Variants in AP3S2 observed in about 807,000 individuals in gnomAD.
AP3S2 encodes the protein AP-3 complex subunit sigma-2.
A neutral mutation model predicts 23.4 loss-of-function variants in AP3S2; 22 were observed. The observed-to-expected ratio is 0.94, with a 90% CI of 0.67 to 1.34. The LOEUF (loss-of-function observed/expected upper bound fraction) is 1.34, where lower values mean the gene tolerates loss of function less well. AP3S2 is among the 40% of genes most tolerant of loss of function. The probability of loss-of-function intolerance (pLI) is 0.00; values close to 1 mark genes in which losing one functional copy is unlikely to be tolerated. For synonymous variants in AP3S2, 86 were observed against 87.1 expected, an observed-to-expected ratio of 0.99 and a Z score of 0.07; for missense variants, 241 against 236.9, an observed-to-expected ratio of 1.02 and a Z score of -0.11.
At chr15:89,851,122 A>G (rs1895642001) in intron 4 of AP3S2, among the ~76,000 whole-genome samples, 1 of 152,196 alleles carries the variant, frequency 6.6e-6, no homozygotes, top group African/African-American at 2.4e-5. Context: ...GTCCTTAAAG[A>G]GCTTAGAATC....
At chr15:89,877,134 G>A (rs1396834414) in intron 3 of AP3S2, 4 of 382,802 alleles carry the variant, frequency 1.0e-5, no homozygotes, top group African/African-American at 8.5e-5. Context: ...GCTAGATGTA[G>A]CTCACTTGAT....
intron 3 of AP3S2, among the ~76,000 whole-genome samples, chr15:89,877,919 T>C (rs1384672654): frequency 6.6e-6 from 1 of 152,166 alleles, no homozygotes; most frequent in South Asian, 2.1e-4. Flanking sequence ...GATATAGGTG[T>C]TGTAATCATG....
intron 3 of AP3S2, among the ~76,000 whole-genome samples, chr15:89,873,269 G>A (rs1277283521): frequency 6.6e-6 from 1 of 150,742 alleles, no homozygotes; most frequent in African/African-American, 2.4e-5. Context: ...TTCAAGTATT[G>A]GACCTCTGTC....
At chr15:89,837,796 C>T (rs554833688) in intron 4 of AP3S2, 74 bp from the exon 5 acceptor site, 57 of 1,574,394 alleles carry the variant, frequency 3.6e-5, no homozygotes, top group Non-Finnish European at 4.9e-5. Flanking sequence ...GTTTCCTTTT[C>T]CTGCAGCAGC....
intron 4 of AP3S2, among the ~76,000 whole-genome samples, chr15:89,859,337 TTTCC>T (rs1482412491): frequency 1.3e-5 from 2 of 148,454 alleles, no homozygotes; most frequent in Non-Finnish European, 3.0e-5. Context: ...TTTTCCTTCC[TTTCC>T]TTCCTTCCTT....
intron 4 of AP3S2, chr15:89,865,400 G>T (rs1393998727): frequency 6.6e-6 from 1 of 152,154 alleles, no homozygotes; most frequent in South Asian, 2.1e-4. Flanking sequence ...TTCTCGAAGG[G>T]GAAAGAACTG....
Position 89,832,897 on chromosome 15 carries a change from T to C in AP3S2, c.*2618A>G, listed in dbSNP as rs1203192010. Reference sequence around the variant, plus strand: ...GTAGTTAATGAAAAATTATTGTGGCTTGTCCAAAGGGATTGAGTTTTCCAA... The same window carrying C: ...GTAGTTAATGAAAAATTATTGTGGCCTGTCCAAAGGGATTGAGTTTTCCAA... On this transcript the variant is annotated 3_prime_UTR_variant, in exon 6 of 6. Coordinates refer to ENST00000336418, the MANE Select transcript of AP3S2 (RefSeq NM_005829.5). The C allele has an allele frequency of 2.6e-5, 4 of 152,228 alleles. No individual in the cohort carries two copies. Among genetic ancestry groups the C allele is most frequent in the African/African-American group, 7.2e-5 (3 of 41,450 alleles). The allele number at this position is 152,228 out of a possible 1,614,324, so 9.4% of individuals were successfully genotyped here. A position where few individuals can be genotyped will look rare whatever the true frequency, so the allele number is the denominator to read the frequency against.
At chr15:89,852,844 A>G (rs1895691783) in intron 4 of AP3S2, among the ~76,000 whole-genome samples, 1 of 152,098 alleles carries the variant, frequency 6.6e-6, no homozygotes, top group Admixed American at 6.6e-5. Context: ...TGGCTCAAAG[A>G]CTTCCAAAGC....
chr15:89,851,527 T>C (rs28709372), intron 4 of AP3S2, among the ~76,000 whole-genome samples: 2,984 of 152,170 alleles, frequency 0.02, 77 homozygotes, highest in African/African-American at 0.053. Context: ...TTAGTAGAGA[T>C]AGGGTTTCAC....
At chr15:89,882,810 C>T (rs983375963) in intron 3 of AP3S2, among the ~76,000 whole-genome samples, 1 of 152,232 alleles carries the variant, frequency 6.6e-6, no homozygotes, top group Admixed American at 6.5e-5. Context: ...AAGCAAATCT[C>T]CCATCACTGT....
At chr15:89,858,477 AAGAAAGAAAGAAAGAAAGAGAGAGAGAG>A (rs1443459602) in intron 4 of AP3S2, among the ~76,000 whole-genome samples, 3 of 31,436 alleles carry the variant, frequency 9.5e-5, no homozygotes, top group African/African-American at 3.8e-4. Context: ...GAAAGAAAGA[AAGAAAGAAAGAAAGAAAGAGAGAGAGAG>A]AGAGAGAGAG....
intron 4 of AP3S2, among the ~76,000 whole-genome samples, chr15:89,852,935 C>T (rs1259976420): frequency 1.3e-5 from 2 of 152,176 alleles, no homozygotes; most frequent in African/African-American, 4.8e-5. Context: ...TGAGGCTAGA[C>T]AGGCAGGCTG....
intron 1 of AP3S2, among the ~76,000 whole-genome samples, chr15:89,892,013 C>A (rs751558028): frequency 3.3e-5 from 5 of 152,064 alleles, no homozygotes; most frequent in Non-Finnish European, 7.4e-5. Context: ...CAAAATATGG[C>A]ATATCCATAT....
chr15:89,843,418 A>G (rs1220148020), intron 4 of AP3S2, among the ~76,000 whole-genome samples: 1 of 151,320 alleles, frequency 6.6e-6, no homozygotes, highest in Non-Finnish European at 1.5e-5. Flanking sequence ...TGGGTGGATC[A>G]TTTGAGGTCA....
chr15:89,888,682 C>A (rs922843841), intron 2 of AP3S2, 50 bp from the exon 3 acceptor site: 1 of 1,553,316 alleles, frequency 6.4e-7, no homozygotes, highest in Non-Finnish European at 8.8e-7. Context: ...TTAAACACAT[C>A]AAAAAGAAAC....
Position 89,840,495 on chromosome 15 carries a change from T to C in AP3S2, c.346-2773A>G, listed in dbSNP as rs191880093. Among the ~76,000 whole-genome samples, 1,491 of 152,320 alleles carry C rather than the reference T, an allele frequency of 9.8e-3. 18 individuals carry two copies. Among genetic ancestry groups the C allele is most frequent in the South Asian group, 0.055 (264 of 4,824 alleles). ...CAGGCTGGAGTACAGTGGTGTGAACTTGGCTCACTGCAACCTCCGCCTCCT... is the reference window on the plus strand; with the variant it reads ...CAGGCTGGAGTACAGTGGTGTGAACCTGGCTCACTGCAACCTCCGCCTCCT... On this transcript the variant is annotated intron_variant, in intron 4 of 5. Transcript: ENST00000336418.
intron 4 of AP3S2, among the ~76,000 whole-genome samples, chr15:89,853,999 C>A (rs1291036033): frequency 1.9e-5 from 1 of 51,672 alleles, no homozygotes; most frequent in Non-Finnish European, 4.0e-5. Flanking sequence ...CCGGCAGCCA[C>A]CCCGTCCGGG....
At chr15:89,856,570 T>C (rs1408705298) in intron 4 of AP3S2, among the ~76,000 whole-genome samples, 1 of 151,918 alleles carries the variant, frequency 6.6e-6, no homozygotes, top group Non-Finnish European at 1.5e-5. Context: ...GGCATGGTGG[T>C]GCGCACCTGT....
intron 4 of AP3S2, 162 bp from the exon 5 acceptor site, chr15:89,837,884 C>T (rs1483638492): frequency 1.4e-6 from 1 of 728,584 alleles, no homozygotes; most frequent in Non-Finnish European, 2.2e-6. Flanking sequence ...AACGAGGGGT[C>T]TCTCCCAGGT....
Sources: gnomAD v4.1 joint callset for allele counts (sites outside exome capture counted in the v4.1 genomes callset) on GRCh38, gnomAD v4.1.1 for gene constraint, MANE v1.5 for transcripts, NCBI Gene and HGNC (gene_info 2026-07-23, HGNC 2026-07-21) for gene names.